Variants in DHX15 observed in about 807,000 individuals in gnomAD.
The protein encoded by DHX15 is ATP-dependent RNA helicase DHX15.
DHX15 carries 11 observed loss-of-function variants against 94.4 expected under a neutral mutation model. The ratio of observed to expected loss-of-function variants is 0.12; its 90% CI spans 0.07 to 0.19. DHX15 has a LOEUF of 0.19. Among genes scored for constraint, DHX15 ranks in the 10% least tolerant of loss-of-function variants. The probability of loss-of-function intolerance (pLI) is 1.00; values close to 1 mark genes in which losing one functional copy is unlikely to be tolerated. For synonymous variants in DHX15, 338 were observed against 329.9 expected (o/e 1.02, Z -0.27); for missense variants, 304 against 988.5 (o/e 0.31, Z 9.29).
chr4:24,536,982 A>G, intron 11 of DHX15, 69 bp downstream of exon 11: 1 of 1,479,644 alleles, frequency 6.8e-7, no homozygotes, highest in Non-Finnish European at 9.0e-7. Context: ...TCAAAGTGGG[A>G]CAAAGAAACA....
rs149406826 is a variant in DHX15 at position 24,535,416 on chromosome 4, G to A, written c.1909+1635C>T. 4.2e-4 allele frequency among the ~76,000 whole-genome samples: 64 copies of A among 152,284 alleles called. 1 individual carries two copies. The East Asian group carries it at 7.7e-3, about 18-fold the overall frequency. ...TATGTATCTCTTGGTCACCCAGCAT[G>A]TTTCGCATAGAAGAGGAATACAGTA... On this transcript the variant is annotated intron_variant, in intron 11 of 13. Transcript: ENST00000336812.
intron 6 of DHX15, among the ~76,000 whole-genome samples, chr4:24,546,216 A>G (rs984478104): frequency 1.1e-4 from 17 of 152,216 alleles, no homozygotes; most frequent in Non-Finnish European, 4.4e-5. Flanking sequence ...ACAGTAAGCT[A>G]TCTTCAGATC....
chr4:24,541,071 T>G, intron 8 of DHX15, 123 bp from the exon 9 acceptor site: 1 of 557,342 alleles, frequency 1.8e-6, no homozygotes, highest in Non-Finnish European at 3.2e-6. Flanking sequence ...ACTGTCTCAG[T>G]AGAGATAAAT....
intron 1 of DHX15, among the ~76,000 whole-genome samples, chr4:24,576,907 A>G (rs1234814720): frequency 6.6e-6 from 1 of 152,210 alleles, no homozygotes; most frequent in African/African-American, 2.4e-5. Context: ...AACTTTTAAC[A>G]TTAGGTGAGG....
chr4:24,552,270 A>AT (rs1226803762), intron 5 of DHX15, among the ~76,000 whole-genome samples: 1 of 152,220 alleles, frequency 6.6e-6, no homozygotes, highest in African/African-American at 2.4e-5. Flanking sequence ...TTGAGAAAAG[A>AT]TTTTTAACTC....
At chr4:24,549,061 C>T in intron 5 of DHX15, 39 bp from the exon 6 acceptor site, 1 of 1,538,330 alleles carries the variant, frequency 6.5e-7, no homozygotes, top group East Asian at 2.3e-5. Flanking sequence ...AATACTGAAA[C>T]ATTTTAAAGT....
chr4:24,573,654 A>C lies in DHX15; in HGVS notation c.507+2589T>G, dbSNP rs140112063. On this transcript the variant is annotated intron_variant, in intron 2 of 13. Transcript: ENST00000336812. ...CCTCATCATTCCTCTTCAATTCAAG[A>C]GCTCTGATGGCTTCCAGTCTATACA... Among the ~76,000 whole-genome samples, 603 of 152,162 alleles carry C rather than the reference A, an allele frequency of 4.0e-3. 2 individuals carry two copies. Among genetic ancestry groups the C allele is most frequent in the Non-Finnish European group, 6.5e-3 (443 of 67,996 alleles).
intron 5 of DHX15, among the ~76,000 whole-genome samples, chr4:24,553,743 G>A (rs7696418): frequency 0.054 from 8,162 of 151,710 alleles, 337 homozygotes; most frequent in African/African-American, 0.11. Context: ...ATGCCACTGC[G>A]CTCCAGCCTG....
chr4:24,577,118 G>A lies in DHX15; in HGVS notation c.72-440C>T, dbSNP rs114093194. On this transcript the variant is annotated intron_variant, in intron 1 of 13. Coordinates refer to ENST00000336812, the MANE Select transcript of DHX15 (RefSeq NM_001358.3). The stretch of plus-strand genomic sequence containing the variant: ...ATATTCAGAAGTTAGCACAAACACT[G>A]CTACTGGAGATAAAGACAACTCCAC... Among the ~76,000 whole-genome samples the A allele has an allele frequency of 5.7e-3, 873 of 152,290 alleles. 6 individuals are homozygous for A. The highest frequency in any genetic ancestry group is 0.02 in the African/African-American group (831 of 41,546).
At chr4:24,530,118 G>C (rs373488704) in intron 12 of DHX15, 11 of 334,058 alleles carry the variant, frequency 3.3e-5, no homozygotes, top group Non-Finnish European at 5.0e-5. Context: ...ATGCCCATTT[G>C]TCTATACCTA....
chr4:24,532,386 G>A (rs1487282537), intron 12 of DHX15, among the ~76,000 whole-genome samples: 1 of 152,140 alleles, frequency 6.6e-6, no homozygotes, highest in Admixed American at 6.5e-5. Flanking sequence ...GAATTTGGAG[G>A]TGCTTAGTTT....
At chr4:24,532,001 C>T (rs1165572122) in intron 12 of DHX15, among the ~76,000 whole-genome samples, 5 of 152,118 alleles carry the variant, frequency 3.3e-5, no homozygotes, top group Non-Finnish European at 5.9e-5. Context: ...AAGGGTAAGC[C>T]ACATCGTGCT....
chr4:24,576,387 T>A lies in DHX15; in HGVS notation c.363A>T (p.Leu121Phe). Residue 121 changes from leucine to phenylalanine, a missense_variant, in exon 2 of 14, where the codon TTA (leucine) becomes TTT (phenylalanine). Leu to Phe is a conservative substitution (Grantham distance 22, BLOSUM62 0). This residue lies in a region of DHX15 where 143 missense variants were observed against 200.5 expected (regional missense o/e 0.71). Coordinates refer to ENST00000336812, the MANE Select transcript of DHX15 (RefSeq NM_001358.3). Reference sequence around the variant, plus strand: ...TATCATAGTATCGAGGAGTATGGGGTAAGTTGGTGAACGGATTAATGCACT... The same window carrying A: ...TATCATAGTATCGAGGAGTATGGGGAAAGTTGGTGAACGGATTAATGCACT... ...LPQCINPFTN[L>F]PHTPRYYDIL... is the part of the protein sequence containing the mutation. 6.2e-7 allele frequency: 1 copy of A among 1,614,086 alleles called. No homozygotes were observed. The highest frequency in any genetic ancestry group is 1.1e-5 in the South Asian group (1 of 91,074).
intron 8 of DHX15, among the ~76,000 whole-genome samples, chr4:24,541,268 G>GA (rs1189281079): frequency 2.2e-4 from 33 of 152,014 alleles, no homozygotes; most frequent in Admixed American, 2.2e-3. Flanking sequence ...AAAGATTCCA[G>GA]AAAAAATTCA....
At chr4:24,566,716 C>CAGGCA (rs1224750082) in intron 3 of DHX15, among the ~76,000 whole-genome samples, 6 of 152,152 alleles carry the variant, frequency 3.9e-5, no homozygotes, top group Admixed American at 3.9e-4. Context: ...ATCTCAGCTA[C>CAGGCA]TCGGGAGGGT....
chr4:24,546,886 C>G (rs571346975), intron 6 of DHX15, among the ~76,000 whole-genome samples: 10 of 152,204 alleles, frequency 6.6e-5, no homozygotes, highest in Non-Finnish European at 1.2e-4. Context: ...TAGCTACTAT[C>G]CTTATATTAG....
At chr4:24,539,962 T>C (rs747413812) in intron 10 of DHX15, 146 bp downstream of exon 10, 44 of 531,978 alleles carry the variant, frequency 8.3e-5, no homozygotes, top group African/African-American at 1.4e-4. Context: ...CGAAGCTATT[T>C]ACAAGGTATT....
chr4:24,579,308 C>T (rs1029992623), intron 1 of DHX15, among the ~76,000 whole-genome samples: 8 of 152,190 alleles, frequency 5.3e-5, no homozygotes, highest in African/African-American at 1.4e-4. Context: ...TACCTTCCTT[C>T]GATGAGAGAG....
intron 2 of DHX15, among the ~76,000 whole-genome samples, chr4:24,574,904 A>C (rs1323166975): frequency 2.6e-5 from 4 of 152,170 alleles, no homozygotes; most frequent in Non-Finnish European, 4.4e-5. Context: ...ATCAATTCTA[A>C]GTTTTCCTTC....
Sources: allele counts gnomAD v4.1 joint callset (sites outside exome capture counted in the v4.1 genomes callset), GRCh38; gene constraint gnomAD v4.1.1; regional missense constraint gnomAD v4.1.1; transcripts MANE v1.5; gene names NCBI Gene and HGNC (gene_info 2026-07-23, HGNC 2026-07-21).